The following DTNB variants were observed in gnomAD, a reference collection of about 807,000 sequenced individuals.
DTNB encodes the protein DTN-B.
In DTNB, 63 loss-of-function variants were observed where a neutral mutation model predicts 90.7. The ratio of observed to expected loss-of-function variants is 0.69; its 90% CI spans 0.57 to 0.86. The LOEUF (loss-of-function observed/expected upper bound fraction) is 0.86, where lower values mean the gene tolerates loss of function less well. DTNB is among the 40% of genes least tolerant of loss of function. The probability of loss-of-function intolerance (pLI) is 0.00; values close to 1 mark genes in which losing one functional copy is unlikely to be tolerated. For missense variants in DTNB, 744 were observed against 807.1 expected, an observed-to-expected ratio of 0.92 and a Z score of 0.95; for synonymous variants, 277 against 286.7, an observed-to-expected ratio of 0.97 and a Z score of 0.34.
At chr2:25,462,865 G>T (rs1400617093) in intron 10 of DTNB, among the ~76,000 whole-genome samples, 3 of 152,000 alleles carry the variant, frequency 2.0e-5, no homozygotes, top group Admixed American at 2.0e-4. Context: ...CACCACGCCC[G>T]GCTAATTTTT....
chr2:25,636,527 T>G (rs2077156396), intron 3 of DTNB, among the ~76,000 whole-genome samples: 1 of 152,162 alleles, frequency 6.6e-6, no homozygotes, highest in Admixed American at 6.5e-5. Flanking sequence ...TCTAAGGCAG[T>G]GGTTTTCGAA....
At chr2:25,567,944 A>G (rs775989850) in intron 8 of DTNB, among the ~76,000 whole-genome samples, 1 of 152,200 alleles carries the variant, frequency 6.6e-6, no homozygotes, top group Non-Finnish European at 1.5e-5. Context: ...GCAGATCATG[A>G]GGTCAAGAGA....
intron 8 of DTNB, among the ~76,000 whole-genome samples, chr2:25,547,068 TA>T (rs1357369187): frequency 6.6e-6 from 1 of 151,950 alleles, no homozygotes; most frequent in Non-Finnish European, 1.5e-5. Context: ...AGGCTGGTCT[TA>T]AACTTCTGGC....
intron 10 of DTNB, among the ~76,000 whole-genome samples, chr2:25,461,857 A>T (rs940545570): frequency 6.6e-6 from 1 of 152,238 alleles, no homozygotes; most frequent in Non-Finnish European, 1.5e-5. Flanking sequence ...AATTTTATCC[A>T]ATCAGGGAGA....
intron 2 of DTNB, among the ~76,000 whole-genome samples, chr2:25,650,680 G>A (rs932527567): frequency 1.0e-3 from 158 of 152,276 alleles, no homozygotes; most frequent in African/African-American, 3.6e-3. Context: ...ACAGATTTAG[G>A]CCAGGCACAG....
chr2:25,455,763 G>A (rs913402013), intron 10 of DTNB, among the ~76,000 whole-genome samples: 18 of 152,178 alleles, frequency 1.2e-4, no homozygotes, highest in African/African-American at 2.9e-4. Context: ...CTGTTGAGTC[G>A]GCAGGGGAGC....
At chr2:25,404,369 T>C (rs1270231010) in intron 16 of DTNB, among the ~76,000 whole-genome samples, 2 of 151,930 alleles carry the variant, frequency 1.3e-5, no homozygotes, top group Non-Finnish European at 2.9e-5. Context: ...CAGAAGAGGC[T>C]TGGGAAGGGC....
At chr2:25,594,123 C>T (rs1301240552) in intron 6 of DTNB, among the ~76,000 whole-genome samples, 2 of 152,218 alleles carry the variant, frequency 1.3e-5, no homozygotes, top group African/African-American at 4.8e-5. Flanking sequence ...CTCATCTTCA[C>T]TTACGTCCCT....
At chr2:25,434,208 G>T (rs553151346) in intron 12 of DTNB, among the ~76,000 whole-genome samples, 20 of 151,966 alleles carry the variant, frequency 1.3e-4, no homozygotes, top group Admixed American at 1.3e-3. Context: ...TTCCATCACC[G>T]CAAAAAATTC....
chr2:25,639,552 G>T (rs1018622291), intron 2 of DTNB, among the ~76,000 whole-genome samples: 20 of 151,534 alleles, frequency 1.3e-4, no homozygotes, highest in Non-Finnish European at 2.9e-5. Context: ...TGAGGGAACG[G>T]ACCGGTTGCC....
rs144946999 is a variant in DTNB, at chr2:25,505,099, A to G, written c.1002-22226T>C. ...TGGCTTTGAAAAAGTTTCTAAGCCT[A>G]AATACTGTATAATGATTGACTGATA... On this transcript the variant is annotated intron_variant, in intron 9 of 20. Coordinates refer to ENST00000406818, the MANE Select transcript of DTNB (RefSeq NM_021907.5). Among the ~76,000 whole-genome samples the G allele has an allele frequency of 7.8e-3, 1,189 of 152,332 alleles. 11 individuals are homozygous for G. The highest frequency in any genetic ancestry group is 0.013 in the Non-Finnish European group (879 of 68,028).
intron 8 of DTNB, among the ~76,000 whole-genome samples, chr2:25,559,091 T>C (rs1217091710): frequency 6.6e-6 from 1 of 152,112 alleles, no homozygotes; most frequent in Non-Finnish European, 1.5e-5. Flanking sequence ...TGGGGTTAAT[T>C]CCAGCACGAC....
intron 15 of DTNB, among the ~76,000 whole-genome samples, chr2:25,421,850 A>G (rs1374582887): frequency 6.6e-6 from 1 of 152,248 alleles, no homozygotes; most frequent in African/African-American, 2.4e-5. Flanking sequence ...TAAGTTTGTC[A>G]GAAGAGAAAC....
At chr2:25,524,694 C>T (rs2076768199) in intron 9 of DTNB, among the ~76,000 whole-genome samples, 1 of 152,054 alleles carries the variant, frequency 6.6e-6, no homozygotes, top group East Asian at 1.9e-4. Context: ...TGTCCCTACG[C>T]TTTCTTCCCC....
At position 25,604,203 on chromosome 2, in the gene DTNB, C is replaced by CCAACAA. The variant is rs142633355; in HGVS notation, c.448+3027_448+3032dup. On this transcript the variant is annotated intron_variant, in intron 5 of 20. Transcript: ENST00000406818. ...ACTGCCGCCACCACCACCACCACCA[C>CCAACAA]CAACAACAACAAAAAACTCAAGAAC... Among the ~76,000 whole-genome samples the CCAACAA allele has an allele frequency of 2.0e-5, 3 of 152,098 alleles. No homozygotes were observed. The South Asian group carries it at 6.2e-4, about 32-fold the overall frequency.
At chr2:25,529,635 G>GA (rs1289846774) in intron 9 of DTNB, among the ~76,000 whole-genome samples, 3 of 152,000 alleles carry the variant, frequency 2.0e-5, no homozygotes, top group Non-Finnish European at 4.4e-5. Context: ...AACTGTACAA[G>GA]AAAATCAATC....
rs138080581 is a variant in DTNB, at chr2:25,419,725, C to T, written c.1555-190G>A. ...ATCAGAGGACGAAGCAAGCAGCAGG[C>T]CTCGGCCCGGTGAGTGATTCAATGC... On this transcript the variant is annotated intron_variant, in intron 15 of 20. Transcript: ENST00000406818. Among the ~76,000 whole-genome samples, 916 of 152,212 alleles carry T rather than the reference C, an allele frequency of 6.0e-3. 4 individuals are homozygous for T. The highest frequency in any genetic ancestry group is 9.7e-3 in the Non-Finnish European group (658 of 68,004).
intron 8 of DTNB, among the ~76,000 whole-genome samples, chr2:25,575,651 G>C (rs1329679638): frequency 6.6e-6 from 1 of 152,062 alleles, no homozygotes; most frequent in African/African-American, 2.4e-5. Context: ...TCTTGGTTGA[G>C]TTTTAAGACA....
intron 9 of DTNB, among the ~76,000 whole-genome samples, chr2:25,499,446 A>G (rs1185829236): frequency 6.6e-6 from 1 of 152,162 alleles, no homozygotes; most frequent in Non-Finnish European, 1.5e-5. Context: ...TGCTTCAGTG[A>G]CCATGATGAA....
Sources: allele counts gnomAD v4.1 joint callset (sites outside exome capture counted in the v4.1 genomes callset), GRCh38; gene constraint gnomAD v4.1.1; transcripts MANE v1.5; gene names NCBI Gene and HGNC (gene_info 2026-07-23, HGNC 2026-07-21).